Variants in ROBO2 observed in about 807,000 individuals in gnomAD.
ROBO2 encodes the protein roundabout guidance receptor 2.
Under a neutral mutation model 160.8 loss-of-function variants are expected in ROBO2, and 53 were observed. The observed-to-expected ratio is 0.33, with a 90% CI of 0.26 to 0.41. The LOEUF (loss-of-function observed/expected upper bound fraction) is 0.41. Among genes scored for constraint, ROBO2 ranks in the 10% least tolerant of loss-of-function variants. The pLI is 1.00. For synonymous variants in ROBO2, 664 were observed against 611.7 expected, an observed-to-expected ratio of 1.09 and a Z score of -1.26; for missense variants, 1,577 against 1,722.4, an observed-to-expected ratio of 0.92 and a Z score of 1.49.
intron 16 of ROBO2, among the ~76,000 whole-genome samples, chr3:77,584,727 G>A (rs979818483): frequency 1.4e-4 from 21 of 151,790 alleles, no homozygotes; most frequent in Admixed American, 1.3e-3. Flanking sequence ...TCCTTAACCT[G>A]AGGGAAACCT....
chr3:77,312,332 G>A (rs1353761344), intron 2 of ROBO2, among the ~76,000 whole-genome samples: 3 of 151,994 alleles, frequency 2.0e-5, no homozygotes, highest in Non-Finnish European at 1.5e-5. Flanking sequence ...TCTCCATCTT[G>A]TATCATATCA....
chr3:76,284,259 A>T (rs540700258), intron 2 of ROBO2, among the ~76,000 whole-genome samples: 8 of 152,048 alleles, frequency 5.3e-5, no homozygotes, highest in African/African-American at 1.9e-4. Flanking sequence ...TGCTATTCCT[A>T]CTTCTGGGGT....
chr3:76,953,956 A>G (rs9846002), intron 2 of ROBO2, among the ~76,000 whole-genome samples: 11,422 of 152,256 alleles, frequency 0.075, 1,448 homozygotes, highest in African/African-American at 0.26. Context: ...TTAAAATTCC[A>G]TATAGCTGTA....
intron 2 of ROBO2, among the ~76,000 whole-genome samples, chr3:76,190,045 G>C (rs1302176488): frequency 6.6e-6 from 1 of 151,988 alleles, no homozygotes; most frequent in Non-Finnish European, 1.5e-5. Context: ...TTTATTATCT[G>C]TTAAAAAATG....
Position 76,257,851 on chromosome 3 carries a change from G to A in ROBO2, c.109+320249G>A, listed in dbSNP as rs1706500570. Among the ~76,000 whole-genome samples the A allele has an allele frequency of 2.6e-5, 4 of 152,104 alleles. No homozygotes were observed. The South Asian group carries it at 8.3e-4, about 32-fold the overall frequency. The stretch of plus-strand genomic sequence containing the variant: ...TATGTTCATAAGTCATCAAATAAAG[G>A]GTTATGGGGTGGGGGAAAGATAGAA... On this transcript the variant is annotated intron_variant, in intron 2 of 26. Coordinates refer to the ROBO2 transcript ENST00000487694.
intron 2 of ROBO2, among the ~76,000 whole-genome samples, chr3:75,995,677 C>T (rs951982827): frequency 9.2e-5 from 14 of 151,904 alleles, no homozygotes; most frequent in South Asian, 2.1e-4. Context: ...GTAGATCCAC[C>T]GATAGCTTGC....
chr3:77,267,328 C>A (rs1297551925), intron 2 of ROBO2, among the ~76,000 whole-genome samples: 2 of 152,098 alleles, frequency 1.3e-5, no homozygotes, highest in African/African-American at 2.4e-5. Context: ...GTACAATAGT[C>A]CAGAAAGTTT....
chr3:76,531,232 C>T (rs1340975772), intron 2 of ROBO2, among the ~76,000 whole-genome samples: 2 of 151,996 alleles, frequency 1.3e-5, no homozygotes, highest in South Asian at 4.1e-4. Context: ...TTAATGAAAA[C>T]CACTATTTTC....
intron 2 of ROBO2, among the ~76,000 whole-genome samples, chr3:76,017,246 C>T (rs1466859317): frequency 1.3e-5 from 2 of 152,106 alleles, no homozygotes; most frequent in African/African-American, 4.8e-5. Flanking sequence ...CTAACAATCC[C>T]TCTAGTTATG....
At chr3:76,241,983 A>T (rs1705315552) in intron 2 of ROBO2, among the ~76,000 whole-genome samples, 1 of 152,184 alleles carries the variant, frequency 6.6e-6, no homozygotes, top group South Asian at 2.1e-4. Context: ...TACTATAAAT[A>T]AAGTATGTTG....
At chr3:76,537,307 T>C (rs895537024) in intron 2 of ROBO2, among the ~76,000 whole-genome samples, 1 of 152,092 alleles carries the variant, frequency 6.6e-6, no homozygotes, top group Non-Finnish European at 1.5e-5. Context: ...TATCTAAGTC[T>C]TGTAGGATGG....
chr3:77,391,885 A>T lies in ROBO2; in HGVS notation c.389-85529A>T, dbSNP rs141557571. 2.0e-4 allele frequency among the ~76,000 whole-genome samples: 30 copies of T among 152,082 alleles called. 1 individual carries two copies. Among genetic ancestry groups the T allele is most frequent in the Admixed American group, 5.2e-4 (8 of 15,268 alleles). ...GAAAGCATTCTTTTTTTGTAAAGTGATGTACTTTAGATGGTTTGGATCCTC... is the reference window on the plus strand; with the variant it reads ...GAAAGCATTCTTTTTTTGTAAAGTGTTGTACTTTAGATGGTTTGGATCCTC... On this transcript the variant is annotated intron_variant, in intron 2 of 25. Transcript: ENST00000461745.
intron 2 of ROBO2, among the ~76,000 whole-genome samples, chr3:77,383,591 A>G (rs546303099): frequency 4.6e-5 from 7 of 152,122 alleles, no homozygotes; most frequent in Non-Finnish European, 1.0e-4. Context: ...TGTTTAAACT[A>G]ATTCAAAGTT....
chr3:76,579,786 C>CAAAAAAAA (rs5850267), intron 2 of ROBO2, among the ~76,000 whole-genome samples: 12 of 107,150 alleles, frequency 1.1e-4, no homozygotes, highest in African/African-American at 3.0e-4. Flanking sequence ...GGTTGAGTTA[C>CAAAAAAAA]AAAAAAAAAA....
chr3:76,688,344 G>C (rs1247026448), intron 2 of ROBO2, among the ~76,000 whole-genome samples: 1 of 151,632 alleles, frequency 6.6e-6, no homozygotes, highest in Non-Finnish European at 1.5e-5. Flanking sequence ...TTAAGATAGG[G>C]GTTTGATAAG....
At chr3:76,025,464 T>C (rs140334919) in intron 2 of ROBO2, among the ~76,000 whole-genome samples, 1 of 151,742 alleles carries the variant, frequency 6.6e-6, no homozygotes, top group Admixed American at 6.6e-5. Flanking sequence ...CTTCTCTTTA[T>C]TGAAAACATT....
chr3:77,634,965 C>T lies in ROBO2; in HGVS notation c.3856C>T (p.Arg1286Trp), dbSNP rs62250276. The stretch of plus-strand genomic sequence containing the variant: ...AGCCCTGAGTCAAAGTCAGAGGCCT[C>T]GGCCCACTAAAAAACACAAGGGAGG... The change falls in exon 24 of 26, where the codon CGG becomes TGG. Residue 1286 changes from arginine to tryptophan, a missense_variant. By Grantham distance (101) the Arg-to-Trp change is moderately radical. This residue lies in a region of ROBO2 where 637 missense variants were observed against 586.9 expected (regional missense o/e 1.09). Transcript: ENST00000461745. 514 of 1,614,130 alleles carry T rather than the reference C, an allele frequency of 3.2e-4. No homozygotes were observed. The highest frequency in any genetic ancestry group is 4.0e-4 in the Non-Finnish European group (473 of 1,180,028).
At chr3:76,726,534 C>T (rs1471571176) in intron 2 of ROBO2, among the ~76,000 whole-genome samples, 6 of 152,132 alleles carry the variant, frequency 3.9e-5, no homozygotes, top group Non-Finnish European at 8.8e-5. Flanking sequence ...TTATAATTTA[C>T]TGATACTTTT....
chr3:76,385,717 G>A (rs1183439801), intron 2 of ROBO2, among the ~76,000 whole-genome samples: 4 of 152,008 alleles, frequency 2.6e-5, no homozygotes. Flanking sequence ...TTTTCATTAA[G>A]TTTATTTTCC....
Sources: gnomAD v4.1 joint callset for allele counts (sites outside exome capture counted in the v4.1 genomes callset) on GRCh38, gnomAD v4.1.1 for gene constraint, gnomAD v4.1.1 regional missense constraint, MANE v1.5 for transcripts, NCBI Gene and HGNC (gene_info 2026-07-23, HGNC 2026-07-21) for gene names.